EXTL3: variants seen among roughly 807,000 people sequenced by gnomAD.
EXTL3 encodes the protein exostosin like glycosyltransferase 3.
A neutral mutation model predicts 69.3 loss-of-function variants in EXTL3; 27 were observed. The observed-to-expected ratio is 0.39, with a 90% CI of 0.29 to 0.54. The LOEUF (loss-of-function observed/expected upper bound fraction) is 0.54. Ranked by LOEUF, EXTL3 falls within the 20% of genes least tolerant of loss-of-function variation. The pLI, the probability that EXTL3 is intolerant of heterozygous loss-of-function variation, is 0.69. For missense variants in EXTL3, 1,003 were observed against 1,231.8 expected (o/e 0.81, Z 2.78); for synonymous variants, 511 against 499.4 (o/e 1.02, Z -0.31).
chr8:28,695,922 A>C (rs1037356596), intron 1 of EXTL3, among the ~76,000 whole-genome samples: 1 of 152,016 alleles, frequency 6.6e-6, no homozygotes, highest in African/African-American at 2.4e-5. Flanking sequence ...CCAATTATTT[A>C]TTTTTATTTT....
chr8:28,713,329 T>C (rs1170860955), intron 1 of EXTL3, 128 bp from the exon 2 acceptor site: 4 of 579,922 alleles, frequency 6.9e-6, no homozygotes, highest in Non-Finnish European at 9.1e-6. Context: ...GGTGACCTCA[T>C]GTACATAAGA....
chr8:28,705,384 G>C (rs1199879088), intron 1 of EXTL3, among the ~76,000 whole-genome samples: 1 of 152,120 alleles, frequency 6.6e-6, no homozygotes, highest in Non-Finnish European at 1.5e-5. Context: ...GTCTCAAGCT[G>C]AATTCACCCA....
At chr8:28,723,968 T>C (rs952817835) in intron 3 of EXTL3, among the ~76,000 whole-genome samples, 2 of 150,194 alleles carry the variant, frequency 1.3e-5, no homozygotes, top group Non-Finnish European at 3.0e-5. Flanking sequence ...ACAATAGATA[T>C]GTATTTTTTT....
chr8:28,620,866 C>A (rs1490404711), upstream of EXTL3, among the ~76,000 whole-genome samples: 3 of 152,078 alleles, frequency 2.0e-5, no homozygotes, highest in Non-Finnish European at 4.4e-5. Context: ...ATGGTGGGCA[C>A]CATCATGCCT....
intron 1 of EXTL3, among the ~76,000 whole-genome samples, chr8:28,679,984 C>T (rs1351763683): frequency 6.6e-6 from 1 of 151,438 alleles, no homozygotes; most frequent in Non-Finnish European, 1.5e-5. Flanking sequence ...ACATTTACAG[C>T]AGCTTAAACC....
intron 1 of EXTL3, among the ~76,000 whole-genome samples, chr8:28,702,172 C>A (rs1800820157): frequency 6.6e-6 from 1 of 152,156 alleles, no homozygotes; most frequent in Non-Finnish European, 1.5e-5. Flanking sequence ...CCCCCCGCTT[C>A]TACACGCAGT....
intron 1 of EXTL3, among the ~76,000 whole-genome samples, chr8:28,680,966 C>T (rs778163896): frequency 3.3e-5 from 5 of 151,934 alleles, no homozygotes; most frequent in Admixed American, 6.6e-5. Context: ...CAACCTCCGC[C>T]GCCTGGGTTC....
At chr8:28,629,454 C>T (rs1033385984) in intron 1 of EXTL3, among the ~76,000 whole-genome samples, 5 of 151,952 alleles carry the variant, frequency 3.3e-5, no homozygotes, top group Admixed American at 6.6e-5. Context: ...GGGCCGACAA[C>T]GTGTCAAATA....
Position 28,631,063 on chromosome 8 carries a change from G to A in EXTL3, c.-53+8253G>A, listed in dbSNP as rs185636421. Among the ~76,000 whole-genome samples, 268 of 152,078 alleles carry A rather than the reference G, an allele frequency of 1.8e-3. 4 individuals carry two copies. Among genetic ancestry groups the A allele is most frequent in the African/African-American group, 5.6e-3 (233 of 41,522 alleles). On this transcript the variant is annotated intron_variant, in intron 1 of 6. Transcript: ENST00000523149. ...TGGCTTTAAGTTTCTTAGAAGCCAC[G>A]ACAGAAAAGGAAACAGGTCGGGTGA...
At position 28,673,761 on chromosome 8, in the gene EXTL3, A is replaced by G. The variant is rs189732351; in HGVS notation, c.-52-39696A>G. 2.4e-4 allele frequency among the ~76,000 whole-genome samples: 37 copies of G among 152,274 alleles called. 1 individual carries two copies. The highest frequency in any genetic ancestry group is 7.0e-4 in the African/African-American group (29 of 41,564). On this transcript the variant is annotated intron_variant, in intron 1 of 6. Transcript: ENST00000523149. ...GATATCTGGAGATATCTCTATGTCT[A>G]TCTATATATAGAGATATCTCCTTCT... is the stretch of plus-strand genomic sequence containing the variant.
At chr8:28,718,455 A>G (rs973453523) in intron 3 of EXTL3, among the ~76,000 whole-genome samples, 12 of 152,210 alleles carry the variant, frequency 7.9e-5, no homozygotes, top group Non-Finnish European at 1.8e-4. Context: ...CTGATTTTAT[A>G]TTCAATATAC....
intron 2 of EXTL3, among the ~76,000 whole-genome samples, chr8:28,715,063 C>T (rs1436572487): frequency 2.0e-5 from 3 of 152,198 alleles, no homozygotes; most frequent in African/African-American, 4.8e-5. Context: ...GCATCTACTA[C>T]TGGATAAAGA....
chr8:28,740,152 G>C (rs74476179), intron 5 of EXTL3: 2 of 152,250 alleles, frequency 1.3e-5, no homozygotes, highest in Non-Finnish European at 2.9e-5. Flanking sequence ...GACCTGAGCT[G>C]CAATACAAAT....
At chr8:28,748,965 C>A (rs1277184613) in intron 6 of EXTL3, among the ~76,000 whole-genome samples, 1 of 152,044 alleles carries the variant, frequency 6.6e-6, no homozygotes, top group Non-Finnish European at 1.5e-5. Context: ...GAAAACTAGA[C>A]CCAGTCGTCG....
intron 1 of EXTL3, among the ~76,000 whole-genome samples, chr8:28,654,810 A>G (rs1276937219): frequency 6.6e-6 from 1 of 152,204 alleles, no homozygotes; most frequent in Non-Finnish European, 1.5e-5. Context: ...TCAAACCTGA[A>G]CATTCAAACA....
intron 1 of EXTL3, among the ~76,000 whole-genome samples, chr8:28,709,396 C>G (rs1800986649): frequency 6.6e-6 from 1 of 152,138 alleles, no homozygotes; most frequent in Non-Finnish European, 1.5e-5. Flanking sequence ...TGGAAAGCGT[C>G]TAGCCTCTCT....
Position 28,627,710 on chromosome 8 carries a change from G to A in EXTL3, c.-53+4900G>A, listed in dbSNP as rs554400110. Among the ~76,000 whole-genome samples, 7 of 152,210 alleles carry A rather than the reference G, an allele frequency of 4.6e-5. No individual in the cohort carries two copies. In the South Asian group the frequency reaches 1.5e-3, roughly 32 times the overall value. ...CCTCAGTGTTCATGGACAGATGAAT[G>A]GATAAACAAAATGTGTCAGTACAAA... On this transcript the variant is annotated intron_variant, in intron 1 of 6. Transcript: ENST00000523149.
At chr8:28,614,550 A>G (rs1308856090) in intron 2 of EXTL3, among the ~76,000 whole-genome samples, 1 of 152,050 alleles carries the variant, frequency 6.6e-6, no homozygotes, top group Non-Finnish European at 1.5e-5. Context: ...CTGGGATTAC[A>G]GGTGTGAGGA....
chr8:28,736,268 T>C (rs542648101), intron 4 of EXTL3, among the ~76,000 whole-genome samples: 3 of 152,220 alleles, frequency 2.0e-5, no homozygotes, highest in African/African-American at 7.2e-5. Flanking sequence ...GATTAGATGC[T>C]TCTAGACTTA....
Sources: allele counts gnomAD v4.1 joint callset (sites outside exome capture counted in the v4.1 genomes callset), GRCh38; gene constraint gnomAD v4.1.1; transcripts MANE v1.5; gene names NCBI Gene and HGNC (gene_info 2026-07-23, HGNC 2026-07-21).